The following ITPR1 variants were observed in gnomAD, a reference collection of about 807,000 sequenced individuals.
ITPR1 encodes the protein inositol 1,4,5-trisphosphate-gated calcium channel ITPR1.
In ITPR1, 96 loss-of-function variants were observed where a neutral mutation model predicts 318.4. That is an observed-to-expected ratio of 0.30 (90% confidence interval 0.26 to 0.36). The LOEUF (loss-of-function observed/expected upper bound fraction) is 0.36. Ranked by LOEUF, ITPR1 falls within the 10% of genes least tolerant of loss-of-function variation. The pLI is 1.00. For missense variants in ITPR1, 2,440 were observed against 3,460.2 expected, an observed-to-expected ratio of 0.71 and a Z score of 7.40; for synonymous variants, 1,312 against 1,289.9, an observed-to-expected ratio of 1.02 and a Z score of -0.37.
chr3:4,837,501 G>C (rs1347142142), intron 61 of ITPR1, among the ~76,000 whole-genome samples: 2 of 151,912 alleles, frequency 1.3e-5, no homozygotes, highest in Non-Finnish European at 1.5e-5. Flanking sequence ...CATACTCCCT[G>C]ATCTCACAGG....
At chr3:4,675,858 T>A (rs2094173912) in intron 23 of ITPR1, among the ~76,000 whole-genome samples, 1 of 152,220 alleles carries the variant, frequency 6.6e-6, no homozygotes, top group Non-Finnish European at 1.5e-5. Flanking sequence ...ATTTGCTAGG[T>A]CTTGTGCTGA....
chr3:4,675,336 A>G, intron 23 of ITPR1, 88 bp downstream of exon 23: 1 of 892,990 alleles, frequency 1.1e-6, no homozygotes, highest in Non-Finnish European at 1.7e-6. Flanking sequence ...GTGATGCCAC[A>G]TCCTTTCTTT....
In ITPR1 at chr3:4,545,616, C is replaced by T. The variant is rs1433269706; in HGVS notation, c.163+24522C>T. 4.1e-5 allele frequency among the ~76,000 whole-genome samples: 5 copies of T among 121,500 alleles called. No individual in the cohort carries two copies. In the South Asian group the frequency reaches 1.1e-3, roughly 26 times the overall value. 79.7% of individuals were successfully genotyped at this position (121,500 alleles called of 152,430 possible). ...GCAGCCTGGGCAACAGAACGGGACCCGGTCTCAAAAAAAAAAAAAAAAAAA... is the reference window on the plus strand; with the variant it reads ...GCAGCCTGGGCAACAGAACGGGACCTGGTCTCAAAAAAAAAAAAAAAAAAA... On this transcript the variant is annotated intron_variant, in intron 4 of 61. Coordinates refer to ENST00000649015, the MANE Select transcript of ITPR1 (RefSeq NM_001378452.1).
intron 4 of ITPR1, among the ~76,000 whole-genome samples, chr3:4,605,063 C>G (rs1313930993): frequency 2.6e-5 from 4 of 152,056 alleles, no homozygotes; most frequent in Admixed American, 6.5e-5. Flanking sequence ...CCTCCGCCTC[C>G]CAGGCTCAAG....
intron 39 of ITPR1, among the ~76,000 whole-genome samples, chr3:4,716,788 G>A (rs976744879): frequency 6.6e-6 from 1 of 152,164 alleles, no homozygotes; most frequent in Non-Finnish European, 1.5e-5. Flanking sequence ...TAAATCCCAT[G>A]TCACTAATAT....
rs766725714 is a variant in ITPR1, at chr3:4,683,781, G to C, written c.3481G>C (p.Glu1161Gln). Reference protein sequence around the residue: ...ETMDGASGENEHKKTEEGNNK... With the variant: ...ETMDGASGENQHKKTEEGNNK... ...TATGGATGGTGCATCTGGAGAAAAT[G>C]AACATAAGAAAACGGAGGTGAGTGA... Residue 1161 changes from glutamate (E) to glutamine (Q), a missense_variant, in exon 28 of 62, where the codon GAA becomes CAA. Glu to Gln is a conservative substitution (Grantham distance 29, BLOSUM62 2). Around this residue, in one of 23 missense-constraint regions of ITPR1, gnomAD observed 86 missense variants for 75.6 expected, o/e 1.14. Transcript: ENST00000649015. The C allele has an allele frequency of 6.2e-7, 1 of 1,613,794 alleles. No individual in the cohort carries two copies. Among genetic ancestry groups the C allele is most frequent in the Non-Finnish European group, 8.5e-7 (1 of 1,179,760 alleles).
chr3:4,770,732 C>T (rs2046133175), intron 46 of ITPR1, among the ~76,000 whole-genome samples: 1 of 152,192 alleles, frequency 6.6e-6, no homozygotes, highest in African/African-American at 2.4e-5. Context: ...TAGAACACCT[C>T]AGCCCTAGAT....
At chr3:4,836,685 T>C (rs2050942758) in intron 60 of ITPR1, 89 bp from the exon 61 acceptor site, 3 of 1,215,698 alleles carry the variant, frequency 2.5e-6, no homozygotes, top group African/African-American at 3.1e-5. Flanking sequence ...TTAGGAAACA[T>C]GGCACGGTAA....
chr3:4,500,810 C>A (rs2080962755), intron 2 of ITPR1, among the ~76,000 whole-genome samples: 1 of 152,126 alleles, frequency 6.6e-6, no homozygotes, highest in South Asian at 2.1e-4. Flanking sequence ...TCTGTGGAAA[C>A]CCACTAAGAG....
chr3:4,761,319 T>G (rs548218597), intron 44 of ITPR1, among the ~76,000 whole-genome samples: 9 of 152,284 alleles, frequency 5.9e-5, no homozygotes, highest in African/African-American at 1.9e-4. Context: ...TGTCCATGAG[T>G]ACCCAATGTT....
rs2094515153 is a variant in ITPR1, at chr3:4,693,752, C to T, written c.4281+11C>T. 2 of 1,605,392 alleles carry T rather than the reference C, an allele frequency of 1.2e-6. No individual in the cohort carries two copies. The highest frequency in any genetic ancestry group is 8.5e-7 in the Non-Finnish European group (1 of 1,174,416). ...GACTGCATCCCTGAGGTGAGCGAGC[C>T]CAGCCTGGCTGTGCCCTTCTCGTTG... On this transcript the variant is annotated intron_variant, in intron 33 of 61. Transcript: ENST00000649015.
chr3:4,506,374 A>C (rs1575340287), intron 2 of ITPR1, among the ~76,000 whole-genome samples: 1 of 150,954 alleles, frequency 6.6e-6, no homozygotes, highest in South Asian at 2.1e-4. Context: ...CTCTACCTAA[A>C]ATGCTCTTCC....
chr3:4,590,652 G>T (rs1172196713), intron 4 of ITPR1, among the ~76,000 whole-genome samples: 1 of 151,888 alleles, frequency 6.6e-6, no homozygotes, highest in Non-Finnish European at 1.5e-5. Flanking sequence ...GAGCTCAAGC[G>T]ATCCTCTTGA....
intron 26 of ITPR1, among the ~76,000 whole-genome samples, chr3:4,681,624 A>AGT (rs10665371): frequency 0.3 from 43,601 of 145,516 alleles, 7,214 homozygotes; most frequent in Non-Finnish European, 0.4. Context: ...AGAGAGAGAA[A>AGT]GTGTGTGTGT....
intron 46 of ITPR1, among the ~76,000 whole-genome samples, chr3:4,770,391 G>T (rs1214382553): frequency 2.0e-5 from 3 of 152,184 alleles, no homozygotes; most frequent in African/African-American, 4.8e-5. Context: ...TTCTATAGTT[G>T]TTTGAATTTT....
At position 4,766,746 on chromosome 3, in the gene ITPR1, G is replaced by T; in HGVS notation, c.5725+36G>T. On this transcript the variant is annotated intron_variant, in intron 45 of 61. Transcript: ENST00000649015. ...CTCAGTCTTCAGTCAGCTGGATCAT[G>T]AACACCAGAAGAGTCCTTGTTATCC... is the stretch of plus-strand genomic sequence containing the variant. The T allele has an allele frequency of 2.0e-6, 3 of 1,510,008 alleles. No individual in the cohort carries two copies. The South Asian group carries it at 3.8e-5, about 19-fold the overall frequency. The allele number at this position is 1,510,008 out of a possible 1,614,324, so 93.5% of individuals were successfully genotyped here.
In ITPR1 at chr3:4,520,982, T is replaced by C. The variant is rs763100392; in HGVS notation, c.93-42T>C. 8.2e-6 allele frequency: 12 copies of C among 1,468,714 alleles called. No homozygotes were observed. The Admixed American group carries it at 1.2e-4, about 14-fold the overall frequency. The allele number at this position is 1,468,714 out of a possible 1,614,324, so 91.0% of individuals were successfully genotyped here. ...TTTTTGCATAGTGCTAAGAGTTTCA[T>C]TTTCATACACTTGACAGAGCATTTA... On this transcript the variant is annotated intron_variant, in intron 3 of 61. Transcript: ENST00000649015.
intron 4 of ITPR1, among the ~76,000 whole-genome samples, chr3:4,551,710 A>T (rs531275637): frequency 1.3e-4 from 20 of 152,350 alleles, no homozygotes; most frequent in Admixed American, 1.0e-3. Context: ...ATAATACTCC[A>T]TGTATATAGT....
At chr3:4,755,333 G>T (rs2044880761) in intron 44 of ITPR1, among the ~76,000 whole-genome samples, 1 of 151,982 alleles carries the variant, frequency 6.6e-6, no homozygotes, top group Non-Finnish European at 1.5e-5. Flanking sequence ...CGTGGGCACT[G>T]GGAGACAGGA....
Sources: allele counts gnomAD v4.1 joint callset (sites outside exome capture counted in the v4.1 genomes callset), GRCh38; gene constraint gnomAD v4.1.1; regional missense constraint gnomAD v4.1.1; transcripts MANE v1.5; gene names NCBI Gene and HGNC (gene_info 2026-07-23, HGNC 2026-07-21).